The following MAP4K5 variants were observed in gnomAD, a reference collection of about 807,000 sequenced individuals.
The protein encoded by MAP4K5 is MAPK/ERK kinase kinase kinase 5.
In MAP4K5, 82 loss-of-function variants were observed where a neutral mutation model predicts 135.6. That is an observed-to-expected ratio of 0.60 (90% CI 0.51 to 0.73). MAP4K5 has a LOEUF of 0.73. Ranked by LOEUF, MAP4K5 falls within the 30% of genes least tolerant of loss-of-function variation. MAP4K5 has a pLI of 0.00. For synonymous variants in MAP4K5, 347 were observed against 335.0 expected, an observed-to-expected ratio of 1.04 and a Z score of -0.39; for missense variants, 907 against 1,010.9, an observed-to-expected ratio of 0.90 and a Z score of 1.39.
intron 1 of MAP4K5, among the ~76,000 whole-genome samples, chr14:50,547,991 G>A (rs1178070312): frequency 6.6e-6 from 1 of 152,098 alleles, no homozygotes; most frequent in Non-Finnish European, 1.5e-5. Context: ...CTGTATTAAT[G>A]ATATCATGCT....
chr14:50,506,885 G>T (rs1408890126), intron 2 of MAP4K5, among the ~76,000 whole-genome samples: 1 of 152,098 alleles, frequency 6.6e-6, no homozygotes, highest in East Asian at 1.9e-4. Context: ...TCCTCTTTCT[G>T]CCATTGGACA....
At chr14:50,510,906 T>C (rs1024829829) in intron 2 of MAP4K5, among the ~76,000 whole-genome samples, 1 of 152,170 alleles carries the variant, frequency 6.6e-6, no homozygotes, top group Non-Finnish European at 1.5e-5. Flanking sequence ...CTCACAAAGC[T>C]AAACATAGTC....
chr14:50,441,886 A>G (rs1056207879), intron 21 of MAP4K5, among the ~76,000 whole-genome samples: 28 of 152,026 alleles, frequency 1.8e-4, no homozygotes, highest in Admixed American at 1.8e-3. Context: ...AGAAACACAC[A>G]TTTCCTGAAA....
chr14:50,549,266 C>T (rs1800785591), intron 1 of MAP4K5, among the ~76,000 whole-genome samples: 1 of 152,200 alleles, frequency 6.6e-6, no homozygotes, highest in Non-Finnish European at 1.5e-5. Context: ...TGGATACTGA[C>T]ACCATATAAC....
At chr14:50,452,888 A>G (rs2036521851) in intron 14 of MAP4K5, among the ~76,000 whole-genome samples, 1 of 152,236 alleles carries the variant, frequency 6.6e-6, no homozygotes, top group African/African-American at 2.4e-5. Context: ...AAGTCTGCCC[A>G]AGACCCATGG....
intron 28 of MAP4K5, 93 bp from the exon 29 acceptor site, chr14:50,429,353 T>C (rs2035920735): frequency 2.8e-6 from 2 of 712,574 alleles, no homozygotes; most frequent in African/African-American, 1.8e-5. Flanking sequence ...TGACTTAAAA[T>C]TGATCTTTGA....
chr14:50,420,467 C>CA (rs201904609), intron 32 of MAP4K5, among the ~76,000 whole-genome samples: 4,170 of 149,760 alleles, frequency 0.028, 77 homozygotes, highest in East Asian at 0.066. Context: ...CCCAACTCTA[C>CA]AAAAAAAAAT....
intron 2 of MAP4K5, among the ~76,000 whole-genome samples, chr14:50,515,604 G>GA (rs1374373378): frequency 2.0e-5 from 3 of 151,722 alleles, no homozygotes; most frequent in Non-Finnish European, 4.4e-5. Flanking sequence ...ACAGTTACTA[G>GA]AAAAAAAATG....
intron 1 of MAP4K5, among the ~76,000 whole-genome samples, chr14:50,555,524 T>A (rs2038755508): frequency 6.6e-6 from 1 of 152,210 alleles, no homozygotes. Context: ...GCTCAGGCAA[T>A]CTGCCCGCCT....
intron 21 of MAP4K5, among the ~76,000 whole-genome samples, chr14:50,442,111 A>T (rs1458224118): frequency 6.6e-6 from 1 of 152,162 alleles, no homozygotes; most frequent in Non-Finnish European, 1.5e-5. Flanking sequence ...GCCTCTGAAA[A>T]TGTTTCCTCA....
chr14:50,464,218 G>C, intron 11 of MAP4K5, 85 bp from the exon 12 acceptor site: 3 of 666,032 alleles, frequency 4.5e-6, no homozygotes, highest in Non-Finnish European at 7.8e-6. Context: ...GGAACAGTTA[G>C]TCTAAAACAC....
At chr14:50,529,611 A>G (rs189489239) in intron 2 of MAP4K5, among the ~76,000 whole-genome samples, 2 of 152,196 alleles carry the variant, frequency 1.3e-5, no homozygotes, top group African/African-American at 2.4e-5. Context: ...GGAGTATTTT[A>G]GTGAATCAAG....
intron 3 of MAP4K5, among the ~76,000 whole-genome samples, chr14:50,503,897 C>T (rs966696296): frequency 6.6e-6 from 1 of 151,938 alleles, no homozygotes; most frequent in African/African-American, 2.4e-5. Context: ...GTTATATTCC[C>T]TATTTGTGTT....
intron 3 of MAP4K5, among the ~76,000 whole-genome samples, chr14:50,493,189 T>A (rs1435199237): frequency 6.6e-6 from 1 of 152,134 alleles, no homozygotes; most frequent in Non-Finnish European, 1.5e-5. Flanking sequence ...AGCCTCAAAC[T>A]CCTGGGCTCA....
chr14:50,487,496 C>A (rs1451322561), intron 3 of MAP4K5, among the ~76,000 whole-genome samples: 1 of 152,186 alleles, frequency 6.6e-6, no homozygotes, highest in Non-Finnish European at 1.5e-5. Context: ...AATCTTCTAA[C>A]TGAATGAACG....
At chr14:50,521,331 G>T (rs2038147381) in intron 2 of MAP4K5, among the ~76,000 whole-genome samples, 3 of 152,194 alleles carry the variant, frequency 2.0e-5, no homozygotes, top group African/African-American at 7.2e-5. Flanking sequence ...AATATGTATA[G>T]TGCCTACAGC....
chr14:50,560,123 C>A, intron 1 of MAP4K5: 1 of 951,882 alleles, frequency 1.1e-6, no homozygotes, highest in Non-Finnish European at 1.6e-6. Flanking sequence ...CTCCTTCCCA[C>A]CAGCGCCACA....
intron 3 of MAP4K5, among the ~76,000 whole-genome samples, chr14:50,489,167 C>T (rs928933903): frequency 2.0e-5 from 3 of 152,072 alleles, no homozygotes; most frequent in Non-Finnish European, 2.9e-5. Context: ...CCAGCCTGGG[C>T]AACATAGAGA....
Position 50,437,948 on chromosome 14 carries a change from G to A in MAP4K5, c.1769C>T (p.Pro590Leu). ...AGTTTGAATATGGGCAGCTAATCCT[G>A]GTTTTTTGGCATGTTCAAACAAAGC... ...LIALFEHAKK[P>L]GLAAHIQTHR... Residue 590 changes from proline (P) to leucine (L), a missense_variant, in exon 25 of 33, where the codon CCA (proline) becomes CTA (leucine). By Grantham distance (98) the Pro-to-Leu change is moderately conservative. Transcript: ENST00000682126. 1.2e-6 allele frequency: 2 copies of A among 1,612,542 alleles called. No homozygotes were observed. Among genetic ancestry groups the A allele is most frequent in the Non-Finnish European group, 1.7e-6 (2 of 1,178,938 alleles).
Sources: allele counts gnomAD v4.1 joint callset (sites outside exome capture counted in the v4.1 genomes callset), GRCh38; gene constraint gnomAD v4.1.1; transcripts MANE v1.5; gene names NCBI Gene and HGNC (gene_info 2026-07-23, HGNC 2026-07-21).